CACNG3: variants seen among roughly 807,000 people sequenced by gnomAD.
The protein encoded by CACNG3 is voltage-dependent calcium channel gamma-3 subunit.
A neutral mutation model predicts 28.5 loss-of-function variants in CACNG3; 3 were observed. That is an observed-to-expected ratio of 0.11 (90% CI 0.05 to 0.27). The LOEUF (loss-of-function observed/expected upper bound fraction) is 0.27, where lower values mean the gene tolerates loss of function less well. Among genes scored for constraint, CACNG3 ranks in the 10% least tolerant of loss-of-function variants. The pLI, the probability that CACNG3 is intolerant of heterozygous loss-of-function variation, is 1.00. For synonymous variants in CACNG3, 174 were observed against 162.2 expected (o/e 1.07, Z -0.55); for missense variants, 236 against 414.4 (o/e 0.57, Z 3.74).
chr16:24,324,665 C>T (rs1302418137), intron 1 of CACNG3, among the ~76,000 whole-genome samples: 2 of 152,152 alleles, frequency 1.3e-5, no homozygotes, highest in Non-Finnish European at 1.5e-5. Flanking sequence ...CCCTGAAAGC[C>T]CCATTGCCCT....
At chr16:24,325,862 A>G (rs961043811) in intron 1 of CACNG3, among the ~76,000 whole-genome samples, 2 of 152,140 alleles carry the variant, frequency 1.3e-5, no homozygotes, top group Non-Finnish European at 2.9e-5. Flanking sequence ...GTTTGTGAGG[A>G]CTCTCAGTTG....
At chr16:24,293,510 A>T (rs72781837) in intron 1 of CACNG3, among the ~76,000 whole-genome samples, 12,565 of 152,170 alleles carry the variant, frequency 0.083, 699 homozygotes, top group South Asian at 0.17. Flanking sequence ...CAGTTCTCCC[A>T]TCTGAGAAAT....
At chr16:24,353,793 G>A (rs61181088) in intron 2 of CACNG3, among the ~76,000 whole-genome samples, 5,756 of 152,284 alleles carry the variant, frequency 0.038, 303 homozygotes, top group African/African-American at 0.12. Context: ...ATGTAGATGC[G>A]TGCAGGGAAA....
chr16:24,352,547 TTG>T (rs375849930), intron 2 of CACNG3, among the ~76,000 whole-genome samples: 5,093 of 152,078 alleles, frequency 0.033, 234 homozygotes, highest in African/African-American at 0.1. Context: ...GTTTGTTTGT[TTG>T]TTTGTTTGAA....
chr16:24,297,414 T>C (rs1176297976), intron 1 of CACNG3, among the ~76,000 whole-genome samples: 1 of 152,120 alleles, frequency 6.6e-6, no homozygotes, highest in Non-Finnish European at 1.5e-5. Flanking sequence ...TGAGAACTGG[T>C]GTGCTGCAAG....
At chr16:24,325,623 C>T (rs941374819) in intron 1 of CACNG3, among the ~76,000 whole-genome samples, 3 of 152,206 alleles carry the variant, frequency 2.0e-5, no homozygotes, top group Non-Finnish European at 4.4e-5. Context: ...GTTTATGAGC[C>T]GCCTCATACC....
chr16:24,356,692 A>G lies in CACNG3; in HGVS notation c.436+1719A>G, dbSNP rs921743992. 1.3e-5 allele frequency among the ~76,000 whole-genome samples: 2 copies of G among 151,890 alleles called. 1 individual carries two copies. The highest frequency in any genetic ancestry group is 4.2e-4 in the South Asian group (2 of 4,784). On this transcript the variant is annotated intron_variant, in intron 3 of 3. Transcript: ENST00000005284. ...ACTCCAGCCTGGGTGACAGAGCAAGACCCTGTCTCAAAATAGTCGTAATCA... is the reference window on the plus strand; with the variant it reads ...ACTCCAGCCTGGGTGACAGAGCAAGGCCCTGTCTCAAAATAGTCGTAATCA...
intron 1 of CACNG3, among the ~76,000 whole-genome samples, chr16:24,311,845 A>G (rs550645681): frequency 1.3e-5 from 2 of 152,336 alleles, no homozygotes; most frequent in African/African-American, 4.8e-5. Context: ...GCAAGACTCC[A>G]TCTCAAAAAA....
intron 1 of CACNG3, among the ~76,000 whole-genome samples, chr16:24,329,639 A>G (rs1431565525): frequency 6.6e-6 from 1 of 152,178 alleles, no homozygotes; most frequent in Non-Finnish European, 1.5e-5. Flanking sequence ...TTTTTAATGA[A>G]GAAAGTGTCA....
At chr16:24,327,126 C>CA (rs57918697) in intron 1 of CACNG3, among the ~76,000 whole-genome samples, 1,886 of 35,824 alleles carry the variant, frequency 0.053, 565 homozygotes, top group Middle Eastern at 0.12. Context: ...GGCTCCAAAC[C>CA]AAAAAAAAAA....
chr16:24,269,855 C>T (rs1397036899), intron 1 of CACNG3, among the ~76,000 whole-genome samples: 23 of 148,472 alleles, frequency 1.5e-4, no homozygotes, highest in African/African-American at 5.7e-4. Context: ...GTTATTTGTT[C>T]ATTTGTTGTT....
chr16:24,316,594 C>T (rs994944234), intron 1 of CACNG3, among the ~76,000 whole-genome samples: 1 of 152,174 alleles, frequency 6.6e-6, no homozygotes, highest in Non-Finnish European at 1.5e-5. Context: ...TGTGGCTTCC[C>T]GGTGCTCTGG....
chr16:24,300,197 CT>C, intron 1 of CACNG3, among the ~76,000 whole-genome samples: 1 of 152,292 alleles, frequency 6.6e-6, no homozygotes, highest in South Asian at 2.1e-4. Context: ...TTGATCTAAA[CT>C]GCTTCCAAAC....
At chr16:24,308,177 A>C (rs973840113) in intron 1 of CACNG3, among the ~76,000 whole-genome samples, 1 of 152,200 alleles carries the variant, frequency 6.6e-6, no homozygotes, top group Non-Finnish European at 1.5e-5. Flanking sequence ...GAATGAAGAG[A>C]TGAGCAGGAA....
At chr16:24,303,426 G>A (rs1014595957) in intron 1 of CACNG3, among the ~76,000 whole-genome samples, 1 of 151,964 alleles carries the variant, frequency 6.6e-6, no homozygotes, top group Non-Finnish European at 1.5e-5. Flanking sequence ...CCGGACTCAC[G>A]TGATCCTCCT....
intron 1 of CACNG3, among the ~76,000 whole-genome samples, chr16:24,303,285 A>T (rs1243374840): frequency 6.6e-6 from 1 of 152,036 alleles, no homozygotes; most frequent in Non-Finnish European, 1.5e-5. Context: ...TTGCATTCCC[A>T]CTACCTAGAA....
At chr16:24,355,095 T>A in intron 3 of CACNG3, 122 bp downstream of exon 3, 1 of 959,864 alleles carries the variant, frequency 1.0e-6, no homozygotes, top group Non-Finnish European at 1.5e-6. Flanking sequence ...GTTCCAGTTG[T>A]GCTAAGGATG....
intron 1 of CACNG3, among the ~76,000 whole-genome samples, chr16:24,321,533 G>A (rs910283067): frequency 6.6e-6 from 1 of 152,226 alleles, no homozygotes; most frequent in Non-Finnish European, 1.5e-5. Flanking sequence ...TACAGTGCTT[G>A]TGTTTAAGTA....
At chr16:24,341,281 A>C (rs1176826978) in intron 1 of CACNG3, among the ~76,000 whole-genome samples, 1 of 152,266 alleles carries the variant, frequency 6.6e-6, no homozygotes, top group Non-Finnish European at 1.5e-5. Context: ...TTTGTGATGC[A>C]TGTATGACAT....
Sources: gnomAD v4.1 joint callset for allele counts (sites outside exome capture counted in the v4.1 genomes callset) on GRCh38, gnomAD v4.1.1 for gene constraint, MANE v1.5 for transcripts, NCBI Gene and HGNC (gene_info 2026-07-23, HGNC 2026-07-21) for gene names.